ULK4: variants seen among roughly 807,000 people sequenced by gnomAD.
The protein encoded by ULK4 is inactive serine/threonine-protein kinase ULK4.
ULK4 carries 133 observed loss-of-function variants against 160.6 expected under a neutral mutation model. The ratio of observed to expected loss-of-function variants is 0.83; its 90% CI spans 0.72 to 0.96. ULK4 has a LOEUF of 0.96. Among genes scored for constraint, ULK4 ranks in the 40% least tolerant of loss-of-function variants. The pLI is 0.00. For synonymous variants in ULK4, 534 were observed against 539.8 expected (o/e 0.99, Z 0.15); for missense variants, 1,580 against 1,499.5 (o/e 1.05, Z -0.89).
chr3:41,529,722 G>C (rs991892701), intron 32 of ULK4, among the ~76,000 whole-genome samples: 1 of 152,170 alleles, frequency 6.6e-6, no homozygotes, highest in Non-Finnish European at 1.5e-5. Context: ...CGAACTCCTG[G>C]CCTCAAGCAA....
At chr3:41,913,129 C>A in intron 8 of ULK4, 1 of 355,834 alleles carries the variant, frequency 2.8e-6, no homozygotes. Context: ...AGTCTGATAA[C>A]TAAGCATTAG....
intron 17 of ULK4, among the ~76,000 whole-genome samples, chr3:41,853,049 A>C (rs931052944): frequency 6.6e-6 from 1 of 152,278 alleles, no homozygotes; most frequent in African/African-American, 2.4e-5. Flanking sequence ...AAACTGAAAC[A>C]CTGCCTCTAA....
At chr3:41,432,164 G>C (rs2082929582) in intron 34 of ULK4, among the ~76,000 whole-genome samples, 1 of 152,084 alleles carries the variant, frequency 6.6e-6, no homozygotes, top group South Asian at 2.1e-4. Flanking sequence ...TACAAATGTA[G>C]TATACATACA....
intron 21 of ULK4, among the ~76,000 whole-genome samples, chr3:41,789,025 C>T (rs1309331476): frequency 6.6e-6 from 1 of 152,144 alleles, no homozygotes; most frequent in Non-Finnish European, 1.5e-5. Flanking sequence ...GTCTGCATTT[C>T]CAACAAGCTT....
chr3:41,906,763 G>A (rs1717012), intron 12 of ULK4, among the ~76,000 whole-genome samples: 104,607 of 151,986 alleles, frequency 0.69, 39,393 homozygotes, highest in East Asian at 0.83. Context: ...GGGAGGCCGA[G>A]GCGGGCAGAT....
intron 30 of ULK4, among the ~76,000 whole-genome samples, chr3:41,642,680 T>C (rs1441959262): frequency 6.6e-6 from 1 of 152,172 alleles, no homozygotes; most frequent in Non-Finnish European, 1.5e-5. Flanking sequence ...AGCAGCATGA[T>C]TTATAGTCCT....
At chr3:41,265,085 A>T (rs991619097) in intron 35 of ULK4, among the ~76,000 whole-genome samples, 3 of 152,212 alleles carry the variant, frequency 2.0e-5, no homozygotes, top group African/African-American at 7.2e-5. Context: ...ACTTTGGGAC[A>T]CGAGGTGGCC....
chr3:41,632,945 A>T (rs553541255), intron 30 of ULK4, among the ~76,000 whole-genome samples: 3 of 152,274 alleles, frequency 2.0e-5, no homozygotes, highest in African/African-American at 7.2e-5. Context: ...GGTGGAGGAA[A>T]GTGCATGAGG....
chr3:41,772,757 G>A (rs1331113707), intron 21 of ULK4, among the ~76,000 whole-genome samples: 1 of 152,130 alleles, frequency 6.6e-6, no homozygotes, highest in Admixed American at 6.6e-5. Context: ...GCCTGGCAGA[G>A]ACACAACCAA....
Position 41,914,229 on chromosome 3 carries a change from C to A in ULK4, c.804-1330G>T, listed in dbSNP as rs375972426. Among the ~76,000 whole-genome samples, 17 of 152,276 alleles carry A rather than the reference C, an allele frequency of 1.1e-4. No individual in the cohort carries two copies. The East Asian group carries it at 2.3e-3, about 21-fold the overall frequency. ...AGAAAAGAATTTATAGTCGACTAAT[C>A]ATTCAAAATTTCTGTATTAAATAAA... is the stretch of plus-strand genomic sequence containing the variant. On this transcript the variant is annotated intron_variant, in intron 8 of 36. Coordinates refer to ENST00000301831, the MANE Select transcript of ULK4 (RefSeq NM_017886.4).
chr3:41,837,774 T>C (rs901086540), intron 17 of ULK4, among the ~76,000 whole-genome samples: 1 of 152,000 alleles, frequency 6.6e-6, no homozygotes, highest in African/African-American at 2.4e-5. Context: ...TTGGCCCGGG[T>C]AGTTTCGAAC....
chr3:41,873,215 G>A (rs1417928745), intron 17 of ULK4, among the ~76,000 whole-genome samples: 1 of 136,084 alleles, frequency 7.3e-6, no homozygotes, highest in Admixed American at 7.3e-5. Context: ...AGGTAAATGA[G>A]TTGCCTTTCT....
chr3:41,801,143 A>C (rs762349038), intron 19 of ULK4, among the ~76,000 whole-genome samples: 3 of 152,182 alleles, frequency 2.0e-5, no homozygotes, highest in Non-Finnish European at 4.4e-5. Context: ...AGAGAAACAA[A>C]AGATATAAAA....
At chr3:41,316,884 TTTA>T (rs1235199206) in intron 35 of ULK4, among the ~76,000 whole-genome samples, 3 of 152,194 alleles carry the variant, frequency 2.0e-5, no homozygotes, top group Non-Finnish European at 4.4e-5. Context: ...CACTCAAATC[TTTA>T]TTAAGTAAAT....
At chr3:41,392,805 G>C (rs1389479912) in intron 35 of ULK4, among the ~76,000 whole-genome samples, 1 of 152,046 alleles carries the variant, frequency 6.6e-6, no homozygotes, top group East Asian at 1.9e-4. Context: ...CATTTGTCAG[G>C]CCTCCTTAAT....
intron 30 of ULK4, among the ~76,000 whole-genome samples, chr3:41,643,224 T>G (rs1046574367): frequency 6.6e-6 from 1 of 152,160 alleles, no homozygotes; most frequent in Non-Finnish European, 1.5e-5. Flanking sequence ...TTTTGGCTTT[T>G]GTTGCCATTG....
chr3:41,362,474 T>C lies in ULK4; in HGVS notation c.3678+35605A>G, dbSNP rs868695246. Among the ~76,000 whole-genome samples the C allele has an allele frequency of 1.1e-4, 17 of 152,364 alleles. No homozygotes were observed. In the Middle Eastern group the frequency reaches 0.014, roughly 122 times the overall value. ...CAACTCTTCATATACTAGGGTATCA[T>C]ATACAGTATACATGTATCATATACA... is the stretch of plus-strand genomic sequence containing the variant. On this transcript the variant is annotated intron_variant, in intron 35 of 36. Transcript: ENST00000301831.
At chr3:41,475,402 T>G (rs2084109223) in intron 32 of ULK4, among the ~76,000 whole-genome samples, 1 of 152,156 alleles carries the variant, frequency 6.6e-6, no homozygotes, top group Non-Finnish European at 1.5e-5. Flanking sequence ...AGAAATAAGA[T>G]TTTTTTCTTT....
At chr3:41,414,067 G>C (rs2082472443) in intron 34 of ULK4, among the ~76,000 whole-genome samples, 1 of 152,154 alleles carries the variant, frequency 6.6e-6, no homozygotes, top group East Asian at 1.9e-4. Flanking sequence ...AGCCAGGCAT[G>C]GCACATGCCT....
Sources: gnomAD v4.1 joint callset for allele counts (sites outside exome capture counted in the v4.1 genomes callset) on GRCh38, gnomAD v4.1.1 for gene constraint, MANE v1.5 for transcripts, NCBI Gene and HGNC (gene_info 2026-07-23, HGNC 2026-07-21) for gene names.